The following FBXO10 variants were observed in gnomAD, a reference collection of about 807,000 sequenced individuals.
FBXO10 encodes the protein F-box protein 10.
FBXO10 carries 39 observed loss-of-function variants against 80.7 expected under a neutral mutation model. That is an observed-to-expected ratio of 0.48 (90% CI 0.37 to 0.63). The LOEUF is 0.63. FBXO10 is among the 30% of genes least tolerant of loss of function. The pLI is 0.00. For missense variants in FBXO10, 1,025 were observed against 1,269.0 expected (o/e 0.81, Z 2.92); for synonymous variants, 449 against 489.6 (o/e 0.92, Z 1.09).
chr9:37,547,983 C>T (rs933305585), intron 1 of FBXO10, among the ~76,000 whole-genome samples: 5 of 151,914 alleles, frequency 3.3e-5, no homozygotes, highest in Admixed American at 6.6e-5. Flanking sequence ...ACGGTGCTTG[C>T]CAGCAAGGTG....
At chr9:37,547,036 T>A (rs78812675) in intron 1 of FBXO10, among the ~76,000 whole-genome samples, 1 of 152,136 alleles carries the variant, frequency 6.6e-6, no homozygotes, top group Non-Finnish European at 1.5e-5. Flanking sequence ...TGCATACCTA[T>A]CCTATGACCC....
chr9:37,571,971 C>CA (rs899794086), intron 1 of FBXO10, among the ~76,000 whole-genome samples: 32 of 147,938 alleles, frequency 2.2e-4, no homozygotes, highest in Non-Finnish European at 2.8e-4. Context: ...CTGGTCTCTA[C>CA]AAAAAAAAAT....
At chr9:37,568,798 A>G (rs1822674273) in intron 1 of FBXO10, among the ~76,000 whole-genome samples, 1 of 152,222 alleles carries the variant, frequency 6.6e-6, no homozygotes, top group African/African-American at 2.4e-5. Context: ...CAAAAGAGCA[A>G]GGATATTCAC....
rs1822896820 is a variant in FBXO10 at position 37,576,377 on chromosome 9, A to C, written c.-173T>G. On this transcript the variant is annotated 5_prime_UTR_variant, in exon 1 of 11. The change abolishes an upstream ATG in the 5' untranslated region. Transcript: ENST00000432825. ...GGGATCGTGCGGAGCCGCCGCCGTC[A>C]TGTGACGCGCAAGGCGGCGAAGGAT... 1 of 151,916 alleles carries C rather than the reference A, an allele frequency of 6.6e-6. No individual in the cohort carries two copies. The highest frequency in any genetic ancestry group is 1.5e-5 in the Non-Finnish European group (1 of 68,046). 9.4% of individuals were successfully genotyped at this position (151,916 alleles called of 1,614,324 possible).
intron 1 of FBXO10, among the ~76,000 whole-genome samples, chr9:37,548,703 C>T (rs1822118600): frequency 6.6e-6 from 1 of 152,132 alleles, no homozygotes; most frequent in Non-Finnish European, 1.5e-5. Flanking sequence ...CTTCACTATC[C>T]TCCCTGTCCC....
chr9:37,537,390 C>T lies in FBXO10; in HGVS notation c.1139G>A (p.Gly380Asp). Reference protein sequence around the residue: ...LMYRLSYQVQGPRPVLGGSFL... With the variant: ...LMYRLSYQVQDPRPVLGGSFL... ...TGAGCCCCCCAATACAGGGCGTGGG[C>T]CCTGCACTTGGTAGGATAGTCTGTA... Residue 380 changes from glycine to aspartate, a missense_variant, in exon 3 of 11, where the codon GGC becomes GAC. Transcript: ENST00000432825. The T allele has an allele frequency of 6.3e-7, 1 of 1,596,692 alleles. No homozygotes were observed. Among genetic ancestry groups the T allele is most frequent in the South Asian group, 1.1e-5 (1 of 89,078 alleles).
At chr9:37,525,040 T>G (rs1035005811) in intron 6 of FBXO10, 62 bp downstream of exon 6, 1 of 1,423,796 alleles carries the variant, frequency 7.0e-7, no homozygotes, top group Non-Finnish European at 9.7e-7. Context: ...GTCCTGAAGC[T>G]GGGGGGTGAC....
chr9:37,531,990 A>G lies in FBXO10; in HGVS notation c.1488T>C (p.Gly496=). The G allele has an allele frequency of 6.2e-7, 1 of 1,613,988 alleles. No homozygotes were observed. The highest frequency in any genetic ancestry group is 1.3e-5 in the African/African-American group (1 of 75,048). The part of the protein sequence containing the change: ...ASGIFLRLEG[G]GLIAGNNIYH... The stretch of plus-strand genomic sequence containing the variant: ...AAATGTTGTTGCCGGCAATCAAGCC[A>G]CCGCCCTCCAAGCGAAGAAAGATGC... Residue 496 remains glycine, a synonymous_variant, in exon 4 of 11, where the codon GGT becomes GGC. Transcript: ENST00000432825.
chr9:37,563,067 C>T (rs1822521221), intron 1 of FBXO10, among the ~76,000 whole-genome samples: 1 of 152,142 alleles, frequency 6.6e-6, no homozygotes, highest in Admixed American at 6.5e-5. Context: ...ATCATGAAGG[C>T]AGTTCCCCAT....
At chr9:37,538,080 T>A in intron 2 of FBXO10, 137 bp from the exon 3 acceptor site, 1 of 679,294 alleles carries the variant, frequency 1.5e-6, no homozygotes, top group Non-Finnish European at 2.5e-6. Context: ...GGGGTCTGGA[T>A]GTCAGCTGTC....
intron 1 of FBXO10, among the ~76,000 whole-genome samples, chr9:37,545,833 T>C (rs1588846543): frequency 6.6e-6 from 1 of 152,218 alleles, no homozygotes; most frequent in East Asian, 1.9e-4. Flanking sequence ...TTTCAGGCAC[T>C]GAGCAGCAAG....
At chr9:37,534,243 A>C (rs1353661241) in intron 3 of FBXO10, among the ~76,000 whole-genome samples, 1 of 152,220 alleles carries the variant, frequency 6.6e-6, no homozygotes, top group African/African-American at 2.4e-5. Flanking sequence ...AAGTAGAACA[A>C]GAGTATAAAT....
intron 1 of FBXO10, among the ~76,000 whole-genome samples, chr9:37,572,076 C>T (rs549362211): frequency 6.6e-6 from 1 of 151,986 alleles, no homozygotes; most frequent in South Asian, 2.1e-4. Flanking sequence ...GCCATGATCA[C>T]GCCACTGCAA....
At chr9:37,569,788 T>A (rs1256152916) in intron 1 of FBXO10, among the ~76,000 whole-genome samples, 1 of 152,108 alleles carries the variant, frequency 6.6e-6, no homozygotes, top group East Asian at 1.9e-4. Context: ...TTAGCTATGA[T>A]CACACCACTG....
At chr9:37,528,692 A>G (rs748067742) in intron 5 of FBXO10, among the ~76,000 whole-genome samples, 15 of 152,152 alleles carry the variant, frequency 9.9e-5, no homozygotes, top group Non-Finnish European at 2.1e-4. Flanking sequence ...GCTGCCTCCC[A>G]CCTATCACTT....
chr9:37,538,148 C>T (rs988155235), intron 2 of FBXO10, among the ~76,000 whole-genome samples: 6 of 151,958 alleles, frequency 3.9e-5, no homozygotes, highest in African/African-American at 1.4e-4. Flanking sequence ...TGGAGCTGCC[C>T]GCACCTCCAT....
intron 1 of FBXO10, among the ~76,000 whole-genome samples, chr9:37,563,018 C>A (rs1185200322): frequency 6.6e-6 from 1 of 152,182 alleles, no homozygotes. Flanking sequence ...TCCCCATAAT[C>A]CCCATGTGTC....
intron 9 of FBXO10, among the ~76,000 whole-genome samples, chr9:37,516,583 T>C (rs555701972): frequency 6.6e-6 from 1 of 152,288 alleles, no homozygotes; most frequent in African/African-American, 2.4e-5. Flanking sequence ...AAAAAAGTCA[T>C]GTGCACACGC....
Position 37,529,226 on chromosome 9 carries a change from A to G in FBXO10, c.1604T>C (p.Ile535Thr). 6.2e-7 allele frequency: 1 copy of G among 1,612,566 alleles called. No individual in the cohort carries two copies. Residue 535 changes from isoleucine (I) to threonine (T), a missense_variant, in exon 5 of 11, where the codon ATT (isoleucine) becomes ACT (threonine). This residue lies in a region of FBXO10 where 478 missense variants were observed against 667.8 expected (regional missense o/e 0.72). Coordinates refer to ENST00000432825, the MANE Select transcript of FBXO10 (RefSeq NM_012166.3). ...NQIHHGLRSG[I>T]VVLGNGKGII... ...GCCTTTCCCATTGCCAAGGACGACAATGCCAGAGCGAAGGCCATGGTGGAT... is the reference window on the plus strand; with the variant it reads ...GCCTTTCCCATTGCCAAGGACGACAGTGCCAGAGCGAAGGCCATGGTGGAT...
Sources: allele counts gnomAD v4.1 joint callset (sites outside exome capture counted in the v4.1 genomes callset), GRCh38; gene constraint gnomAD v4.1.1; regional missense constraint gnomAD v4.1.1; transcripts MANE v1.5; gene names NCBI Gene and HGNC (gene_info 2026-07-23, HGNC 2026-07-21).